Variants in KAZN observed in about 807,000 individuals in gnomAD.
The protein encoded by KAZN is kazrin, periplakin interacting protein, also known as kazrin.
Under a neutral mutation model 87.4 loss-of-function variants are expected in KAZN, and 40 were observed. That is an observed-to-expected ratio of 0.46 (90% CI 0.36 to 0.60). KAZN has a LOEUF of 0.60. KAZN is among the 20% of genes least tolerant of loss of function. The pLI, the probability that KAZN is intolerant of heterozygous loss-of-function variation, is 0.00. For missense variants in KAZN, 898 were observed against 1,073.9 expected, an observed-to-expected ratio of 0.84 and a Z score of 2.29; for synonymous variants, 466 against 458.3, an observed-to-expected ratio of 1.02 and a Z score of -0.22.
intron 2 of KAZN, among the ~76,000 whole-genome samples, chr1:14,359,517 T>G (rs1232543111): frequency 6.6e-6 from 1 of 152,330 alleles, no homozygotes; most frequent in East Asian, 1.9e-4. Flanking sequence ...GTTGATGCAG[T>G]TTCTTCCTAG....
rs141890813 is a variant in KAZN at position 14,711,610 on chromosome 1, C to T, written c.226+112387C>T. 7.4e-3 allele frequency among the ~76,000 whole-genome samples: 1,124 copies of T among 152,276 alleles called. 6 individuals are homozygous for T. Among genetic ancestry groups the T allele is most frequent in the Middle Eastern group, 0.044 (13 of 294 alleles). ...TGCTGTCTTGCTAGTGCACTCTCTCCCCATCTCTCACTTGCTCCCGTCGAT... is the reference window on the plus strand; with the variant it reads ...TGCTGTCTTGCTAGTGCACTCTCTCTCCATCTCTCACTTGCTCCCGTCGAT... On this transcript the variant is annotated intron_variant, in intron 1 of 14. Transcript: ENST00000376030.
chr1:14,825,723 C>T (rs1646866173), intron 1 of KAZN, among the ~76,000 whole-genome samples: 1 of 152,196 alleles, frequency 6.6e-6, no homozygotes, highest in Admixed American at 6.5e-5. Flanking sequence ...GCATTCATCC[C>T]ATTGTCGCCT....
At chr1:14,555,243 A>C (rs1314937979) in intron 2 of KAZN, among the ~76,000 whole-genome samples, 1 of 152,240 alleles carries the variant, frequency 6.6e-6, no homozygotes, top group Admixed American at 6.5e-5. Flanking sequence ...TGCTTTATCC[A>C]CACGTGCACC....
chr1:14,861,977 A>G (rs778260401), intron 1 of KAZN, among the ~76,000 whole-genome samples: 48 of 152,180 alleles, frequency 3.2e-4, no homozygotes, highest in Non-Finnish European at 6.0e-4. Flanking sequence ...CTGCATGTAG[A>G]AGCTGCCCTT....
intron 2 of KAZN, among the ~76,000 whole-genome samples, chr1:14,368,910 T>G (rs1660237580): frequency 6.6e-6 from 1 of 152,192 alleles, no homozygotes; most frequent in African/African-American, 2.4e-5. Context: ...GGTAGTTCTC[T>G]CCAAGTATAT....
chr1:14,483,645 T>C (rs1669196437), intron 2 of KAZN, among the ~76,000 whole-genome samples: 1 of 152,252 alleles, frequency 6.6e-6, no homozygotes, highest in Non-Finnish European at 1.5e-5. Context: ...TTATACATTT[T>C]AGGTATGTAT....
chr1:14,711,601 C>T (rs1261767992), intron 1 of KAZN, among the ~76,000 whole-genome samples: 1 of 152,182 alleles, frequency 6.6e-6, no homozygotes, highest in Admixed American at 6.5e-5. Context: ...CTTGCTAGTG[C>T]ACTCTCTCCC....
intron 1 of KAZN, among the ~76,000 whole-genome samples, chr1:14,008,529 G>C (rs990031706): frequency 6.6e-6 from 1 of 152,228 alleles, no homozygotes; most frequent in African/African-American, 2.4e-5. Context: ...GTCAAACCCA[G>C]AGTCGAGTAC....
At chr1:13,991,695 T>C (rs1462022732) in intron 1 of KAZN, among the ~76,000 whole-genome samples, 1 of 152,184 alleles carries the variant, frequency 6.6e-6, no homozygotes, top group East Asian at 1.9e-4. Context: ...GTAAGCTGGC[T>C]TACACTGGTC....
chr1:14,289,635 A>G (rs1340056679), intron 2 of KAZN, among the ~76,000 whole-genome samples: 1 of 151,910 alleles, frequency 6.6e-6, no homozygotes, highest in Non-Finnish European at 1.5e-5. Context: ...TCTTTATCCA[A>G]CTTGCCAGTC....
chr1:14,784,096 C>T (rs1350975278), intron 1 of KAZN, among the ~76,000 whole-genome samples: 6 of 152,232 alleles, frequency 3.9e-5, no homozygotes, highest in South Asian at 2.1e-4. Flanking sequence ...AGGTCTGGAA[C>T]GCACAGGGCA....
chr1:14,385,236 A>G (rs1319945979), intron 2 of KAZN, among the ~76,000 whole-genome samples: 1 of 151,570 alleles, frequency 6.6e-6, no homozygotes, highest in African/African-American at 2.4e-5. Flanking sequence ...GCGGTCTATT[A>G]ATTTTGTTGA....
At chr1:14,234,941 A>G (rs1027570685) in intron 2 of KAZN, among the ~76,000 whole-genome samples, 2 of 152,262 alleles carry the variant, frequency 1.3e-5, no homozygotes, top group Non-Finnish European at 2.9e-5. Flanking sequence ...TGGTGGAATT[A>G]CAAAATGATG....
In KAZN at chr1:14,342,347, T is replaced by C. The variant is rs140254571; in HGVS notation, c.249+161755T>C. On this transcript the variant is annotated intron_variant, in intron 2 of 16. Coordinates refer to the KAZN transcript ENST00000636203. ...AACAATTTCTGTTCCTTTGGGTATA[T>C]ACCTAGTAATGGGATTGCTGGGTTG... is the stretch of plus-strand genomic sequence containing the variant. 1.8e-4 allele frequency among the ~76,000 whole-genome samples: 27 copies of C among 152,364 alleles called. No homozygotes were observed. In the East Asian group the frequency reaches 5.0e-3, roughly 28 times the overall value.
At chr1:14,056,227 A>G (rs1347529278) in intron 1 of KAZN, among the ~76,000 whole-genome samples, 4 of 152,208 alleles carry the variant, frequency 2.6e-5, no homozygotes, top group Non-Finnish European at 5.9e-5. Flanking sequence ...GCTACTTTAC[A>G]TGGCAGACGA....
chr1:14,647,634 T>C (rs993041942), intron 1 of KAZN, among the ~76,000 whole-genome samples: 3 of 152,192 alleles, frequency 2.0e-5, no homozygotes, highest in Non-Finnish European at 4.4e-5. Flanking sequence ...CCTTCTGTCA[T>C]CTACATAATT....
chr1:15,068,886 C>T (rs909189884), intron 8 of KAZN, among the ~76,000 whole-genome samples: 3 of 152,136 alleles, frequency 2.0e-5, no homozygotes, highest in Non-Finnish European at 4.4e-5. Flanking sequence ...CTATGTAATA[C>T]AGACACGATG....
At chr1:14,302,446 A>G (rs1474119593) in intron 2 of KAZN, among the ~76,000 whole-genome samples, 1 of 152,236 alleles carries the variant, frequency 6.6e-6, no homozygotes, top group Non-Finnish European at 1.5e-5. Flanking sequence ...TACACATGGA[A>G]TCTCAAAGAT....
chr1:14,294,214 C>T (rs1201030577), intron 2 of KAZN, among the ~76,000 whole-genome samples: 1 of 152,154 alleles, frequency 6.6e-6, no homozygotes, highest in East Asian at 1.9e-4. Context: ...TGCCTTATGC[C>T]TTGTGTGTCA....
Sources: gnomAD v4.1 joint callset for allele counts (sites outside exome capture counted in the v4.1 genomes callset) on GRCh38, gnomAD v4.1.1 for gene constraint, MANE v1.5 for transcripts, NCBI Gene and HGNC (gene_info 2026-07-23, HGNC 2026-07-21) for gene names.